MGAT4C: variants seen among roughly 807,000 people sequenced by gnomAD.
MGAT4C encodes the protein alpha-1,3-mannosyl-glycoprotein 4-beta-N-acetylglucosaminyltransferase C.
MGAT4C carries 19 observed loss-of-function variants against 40.1 expected under a neutral mutation model. The ratio of observed to expected loss-of-function variants is 0.47; its 90% CI spans 0.33 to 0.70. The LOEUF is 0.70. Ranked by LOEUF, MGAT4C falls within the 30% of genes least tolerant of loss-of-function variation. The pLI is 0.02. For synonymous variants in MGAT4C, 181 were observed against 187.1 expected (o/e 0.97, Z 0.27); for missense variants, 491 against 563.2 (o/e 0.87, Z 1.30).
chr12:86,803,791 A>C lies in MGAT4C; in HGVS notation c.-262+34875T>G, dbSNP rs1397618339. ...ACAGGTGCTGGAGAGGATGTGGAGAAATAGGAACACTTTTACACTGTTGGT... is the reference window on the plus strand; with the variant it reads ...ACAGGTGCTGGAGAGGATGTGGAGACATAGGAACACTTTTACACTGTTGGT... On this transcript the variant is annotated intron_variant, in intron 1 of 7. Transcript: ENST00000548651. Among the ~76,000 whole-genome samples, 10 of 150,218 alleles carry C rather than the reference A, an allele frequency of 6.7e-5. No homozygotes were observed. In the South Asian group the frequency reaches 1.5e-3, roughly 22 times the overall value.
intron 2 of MGAT4C, among the ~76,000 whole-genome samples, chr12:86,441,648 T>C (rs1957230476): frequency 6.6e-6 from 1 of 151,994 alleles, no homozygotes. Flanking sequence ...GTTTCCAGTT[T>C]CATCCATGTC....
chr12:86,422,153 A>G (rs1392666438), intron 3 of MGAT4C, among the ~76,000 whole-genome samples: 3 of 152,236 alleles, frequency 2.0e-5, no homozygotes, highest in African/African-American at 7.2e-5. Context: ...TGGAGATAGC[A>G]TTAATATGAA....
At chr12:86,763,683 G>C (rs746370537) in intron 1 of MGAT4C, among the ~76,000 whole-genome samples, 8 of 151,996 alleles carry the variant, frequency 5.3e-5, no homozygotes, top group African/African-American at 9.7e-5. Flanking sequence ...TATTGGTATA[G>C]GGACAAACAT....
intron 2 of MGAT4C, among the ~76,000 whole-genome samples, chr12:85,999,608 T>TATATAC (rs1555203111): frequency 5.6e-5 from 8 of 141,954 alleles, no homozygotes; most frequent in African/African-American, 1.5e-4. Flanking sequence ...TATATATATA[T>TATATAC]ACATACACAA....
At chr12:86,002,039 T>TC (rs1228026627) in intron 2 of MGAT4C, 1 of 152,164 alleles carries the variant, frequency 6.6e-6, no homozygotes, top group Non-Finnish European at 1.5e-5. Context: ...CCTTCAATCT[T>TC]CCCTTCAGCT....
intron 1 of MGAT4C, among the ~76,000 whole-genome samples, chr12:86,191,751 G>GGGGTGTGTGTGTGTGT (rs1555243731): frequency 6.1e-5 from 6 of 98,466 alleles, no homozygotes; most frequent in African/African-American, 1.9e-4. Context: ...AGGAGATAAA[G>GGGGTGTGTGTGTGTGT]GTGTGTGTGT....
chr12:86,581,310 G>A (rs558749844), intron 2 of MGAT4C, among the ~76,000 whole-genome samples: 3 of 151,544 alleles, frequency 2.0e-5, no homozygotes, highest in African/African-American at 7.2e-5. Flanking sequence ...AATAGCCACA[G>A]TGGTATTTTA....
intron 1 of MGAT4C, among the ~76,000 whole-genome samples, chr12:86,062,366 C>G (rs962467180): frequency 6.6e-6 from 1 of 152,092 alleles, no homozygotes; most frequent in African/African-American, 2.4e-5. Flanking sequence ...GAGACCCCAT[C>G]TGAAGATCAC....
At chr12:86,382,027 A>AT (rs1955941052) in intron 3 of MGAT4C, among the ~76,000 whole-genome samples, 1 of 152,190 alleles carries the variant, frequency 6.6e-6, no homozygotes, top group Non-Finnish European at 1.5e-5. Flanking sequence ...AATCTTGGGT[A>AT]TGTCTTTATC....
intron 1 of MGAT4C, among the ~76,000 whole-genome samples, chr12:86,074,785 G>T (rs1019424470): frequency 6.6e-6 from 1 of 152,108 alleles, no homozygotes; most frequent in Non-Finnish European, 1.5e-5. Context: ...GAAGGCCAAG[G>T]AAAAGAGATT....
At chr12:86,838,132 T>C (rs375787467) in intron 1 of MGAT4C, among the ~76,000 whole-genome samples, 55 of 152,252 alleles carry the variant, frequency 3.6e-4, no homozygotes, top group African/African-American at 1.2e-3. Context: ...AACAATTATA[T>C]CTACATAATA....
chr12:86,693,734 T>C (rs1308230557), intron 2 of MGAT4C, among the ~76,000 whole-genome samples: 1 of 152,180 alleles, frequency 6.6e-6, no homozygotes, highest in Admixed American at 6.5e-5. Context: ...TAACTAAAAA[T>C]TCTAAGTAAT....
intron 2 of MGAT4C, among the ~76,000 whole-genome samples, chr12:86,705,338 G>C (rs1025418491): frequency 6.6e-6 from 1 of 151,840 alleles, no homozygotes; most frequent in Non-Finnish European, 1.5e-5. Flanking sequence ...TTGCTACTAA[G>C]AGGCTGGGTT....
intron 1 of MGAT4C, among the ~76,000 whole-genome samples, chr12:86,794,450 G>C (rs1330797737): frequency 6.6e-6 from 1 of 151,708 alleles, no homozygotes; most frequent in Non-Finnish European, 1.5e-5. Context: ...TCATGCTTCA[G>C]TTCCAATCTG....
intron 4 of MGAT4C, among the ~76,000 whole-genome samples, chr12:85,980,925 A>C (rs1884517207): frequency 6.6e-6 from 1 of 152,168 alleles, no homozygotes; most frequent in Non-Finnish European, 1.5e-5. Context: ...TAAGTCTTTC[A>C]ATCATCTTTA....
At chr12:86,324,730 A>G (rs1283465093) in intron 4 of MGAT4C, among the ~76,000 whole-genome samples, 7 of 152,074 alleles carry the variant, frequency 4.6e-5, no homozygotes, top group Non-Finnish European at 1.0e-4. Flanking sequence ...AAAGCAAATT[A>G]GAAAAACAAT....
At chr12:86,736,622 C>T (rs1033422967) in intron 1 of MGAT4C, among the ~76,000 whole-genome samples, 4 of 151,704 alleles carry the variant, frequency 2.6e-5, no homozygotes, top group African/African-American at 9.7e-5. Flanking sequence ...AGATCATGAG[C>T]ACTAACTCAC....
intron 1 of MGAT4C, among the ~76,000 whole-genome samples, chr12:86,160,554 C>T (rs1202381993): frequency 6.6e-6 from 1 of 151,880 alleles, no homozygotes; most frequent in Non-Finnish European, 1.5e-5. Context: ...ATTCTGTGGT[C>T]ATTGGGTGGT....
chr12:86,521,566 T>C (rs1958795268), intron 2 of MGAT4C, among the ~76,000 whole-genome samples: 1 of 152,064 alleles, frequency 6.6e-6, no homozygotes, highest in African/African-American at 2.4e-5. Flanking sequence ...TCGTATTTGT[T>C]TGTTTGTTTG....
Sources: allele counts gnomAD v4.1 joint callset (sites outside exome capture counted in the v4.1 genomes callset), GRCh38; gene constraint gnomAD v4.1.1; transcripts MANE v1.5; gene names NCBI Gene and HGNC (gene_info 2026-07-23, HGNC 2026-07-21).